SLC2A13: variants seen among roughly 807,000 people sequenced by gnomAD.
SLC2A13 encodes the protein proton myo-inositol cotransporter.
A neutral mutation model predicts 64.4 loss-of-function variants in SLC2A13; 32 were observed. The observed-to-expected ratio is 0.50, with a 90% confidence interval of 0.37 to 0.67. SLC2A13 has a LOEUF of 0.67. Among genes scored for constraint, SLC2A13 ranks in the 30% least tolerant of loss-of-function variants. The pLI, the probability that SLC2A13 is intolerant of heterozygous loss-of-function variation, is 0.00. For missense variants in SLC2A13, 743 were observed against 829.2 expected (o/e 0.90, Z 1.28); for synonymous variants, 338 against 327.1 (o/e 1.03, Z -0.36).
At chr12:39,936,151 T>C (rs1217732489) in intron 4 of SLC2A13, among the ~76,000 whole-genome samples, 2 of 152,194 alleles carry the variant, frequency 1.3e-5, no homozygotes, top group Non-Finnish European at 2.9e-5. Flanking sequence ...CAAGGCTCAA[T>C]TGAGGAAGTT....
At chr12:39,988,635 G>C (rs28370632) in intron 3 of SLC2A13, among the ~76,000 whole-genome samples, 2 of 136,808 alleles carry the variant, frequency 1.5e-5, no homozygotes, top group East Asian at 4.4e-4. Context: ...GGAGGAGGAG[G>C]GGGAGGAGAG....
chr12:40,047,400 T>TA (rs1169697416), intron 2 of SLC2A13, among the ~76,000 whole-genome samples: 1 of 152,200 alleles, frequency 6.6e-6, no homozygotes, highest in African/African-American at 2.4e-5. Context: ...TGCCTTTTAA[T>TA]AAAATTTCTC....
chr12:39,854,978 A>C (rs1943568740), intron 6 of SLC2A13, among the ~76,000 whole-genome samples: 1 of 152,228 alleles, frequency 6.6e-6, no homozygotes, highest in Non-Finnish European at 1.5e-5. Context: ...GGATGAAAAG[A>C]AAATTACATC....
chr12:39,916,845 A>T (rs972029907), intron 4 of SLC2A13, among the ~76,000 whole-genome samples: 3 of 151,954 alleles, frequency 2.0e-5, no homozygotes, highest in African/African-American at 7.3e-5. Context: ...AACATAAGAC[A>T]ATTTGTTCTT....
intron 6 of SLC2A13, among the ~76,000 whole-genome samples, chr12:39,850,936 G>A (rs1419604810): frequency 6.9e-6 from 1 of 145,738 alleles, no homozygotes; most frequent in Non-Finnish European, 1.5e-5. Context: ...GTCTTGCTTT[G>A]TTGCCTAGGC....
intron 4 of SLC2A13, among the ~76,000 whole-genome samples, chr12:39,926,857 C>A (rs1325837276): frequency 6.6e-6 from 1 of 152,186 alleles, no homozygotes; most frequent in East Asian, 1.9e-4. Context: ...TCAAGGGATT[C>A]TCCTGCCTCG....
At chr12:40,028,614 G>A (rs1278379814) in intron 2 of SLC2A13, 105 bp from the exon 3 acceptor site, 1 of 1,051,214 alleles carries the variant, frequency 9.5e-7, no homozygotes, top group Non-Finnish European at 1.4e-6. Flanking sequence ...TTACTGTGAA[G>A]TTAGCCAGAA....
intron 7 of SLC2A13, among the ~76,000 whole-genome samples, chr12:39,770,378 C>T (rs1183278588): frequency 6.6e-6 from 1 of 152,168 alleles, no homozygotes; most frequent in Non-Finnish European, 1.5e-5. Context: ...CTCCAGAAGG[C>T]AGCATGGGGC....
chr12:40,034,298 C>T (rs970746948), intron 2 of SLC2A13, among the ~76,000 whole-genome samples: 10 of 152,172 alleles, frequency 6.6e-5, no homozygotes, highest in Admixed American at 5.9e-4. Flanking sequence ...CATTAAGGTA[C>T]AGGTCAACTA....
chr12:39,984,460 T>G (rs934217465), intron 3 of SLC2A13, among the ~76,000 whole-genome samples: 6 of 152,208 alleles, frequency 3.9e-5, no homozygotes, highest in African/African-American at 1.4e-4. Context: ...ATTTAACTTT[T>G]GTTTTTACCC....
intron 3 of SLC2A13, among the ~76,000 whole-genome samples, chr12:39,983,992 T>C (rs1389709794): frequency 2.0e-5 from 3 of 151,324 alleles, no homozygotes; most frequent in Non-Finnish European, 3.0e-5. Context: ...TGGAATACTA[T>C]GCAGCCATAA....
chr12:40,023,541 G>A (rs1167767105), intron 3 of SLC2A13, among the ~76,000 whole-genome samples: 1 of 152,214 alleles, frequency 6.6e-6, no homozygotes, highest in African/African-American at 2.4e-5. Context: ...TTTCTGGATT[G>A]TTCCCTAAGA....
intron 7 of SLC2A13, 103 bp from the exon 8 acceptor site, chr12:39,764,961 A>C: frequency 7.8e-7 from 1 of 1,283,026 alleles, no homozygotes; most frequent in South Asian, 1.5e-5. Context: ...TTAATGTCTT[A>C]AGAGTCCAAA....
intron 3 of SLC2A13, among the ~76,000 whole-genome samples, chr12:39,990,532 C>A (rs1042907954): frequency 2.0e-5 from 3 of 152,144 alleles, no homozygotes; most frequent in Non-Finnish European, 1.5e-5. Context: ...GGGATAGTAT[C>A]TCAGCACACA....
intron 6 of SLC2A13, among the ~76,000 whole-genome samples, chr12:39,849,284 T>C (rs1268757852): frequency 6.6e-6 from 1 of 152,180 alleles, no homozygotes; most frequent in Non-Finnish European, 1.5e-5. Context: ...AGTGACTCAA[T>C]GTGCATTGGT....
chr12:39,831,258 G>C (rs1056213310), intron 6 of SLC2A13, among the ~76,000 whole-genome samples: 3 of 152,120 alleles, frequency 2.0e-5, no homozygotes, highest in Non-Finnish European at 4.4e-5. Context: ...TTAACGATGA[G>C]AGCTGGGAAC....
chr12:39,880,376 T>C (rs915408398), intron 4 of SLC2A13, among the ~76,000 whole-genome samples: 2 of 152,218 alleles, frequency 1.3e-5, no homozygotes, highest in East Asian at 1.9e-4. Context: ...TTTTCAAACA[T>C]ATTTTCATGT....
At chr12:40,056,463 G>T (rs1325508423) in intron 1 of SLC2A13, among the ~76,000 whole-genome samples, 3 of 152,122 alleles carry the variant, frequency 2.0e-5, no homozygotes, top group Non-Finnish European at 4.4e-5. Flanking sequence ...ATAAGCAGAA[G>T]CAGTATGCAT....
chr12:39,820,141 T>C lies in SLC2A13; in HGVS notation c.1445+9962A>G, dbSNP rs1055847450. On this transcript the variant is annotated intron_variant, in intron 7 of 9. Coordinates refer to ENST00000280871, the MANE Select transcript of SLC2A13 (RefSeq NM_052885.4). Reference sequence around the variant, plus strand: ...AATGACAACAAAAAGAAAAAAAATGTAATTTTTGGAGGGTTCCAGGAAACA... The same window carrying C: ...AATGACAACAAAAAGAAAAAAAATGCAATTTTTGGAGGGTTCCAGGAAACA... 4.6e-5 allele frequency among the ~76,000 whole-genome samples: 7 copies of C among 152,250 alleles called. No individual in the cohort carries two copies. In the South Asian group the frequency reaches 1.2e-3, roughly 27 times the overall value.
Sources: allele counts gnomAD v4.1 joint callset (sites outside exome capture counted in the v4.1 genomes callset), GRCh38; gene constraint gnomAD v4.1.1; transcripts MANE v1.5; gene names NCBI Gene and HGNC (gene_info 2026-07-23, HGNC 2026-07-21).